Variants in PHLPP1 observed in about 807,000 individuals in gnomAD.
The protein encoded by PHLPP1 is PH domain and leucine rich repeat protein phosphatase 1.
A neutral mutation model predicts 117.2 loss-of-function variants in PHLPP1; 42 were observed. The observed-to-expected ratio is 0.36, with a 90% CI of 0.28 to 0.46. The LOEUF is 0.46. Ranked by LOEUF, PHLPP1 falls within the 20% of genes least tolerant of loss-of-function variation. The pLI is 1.00. For synonymous variants in PHLPP1, 1,042 were observed against 970.7 expected, an observed-to-expected ratio of 1.07 and a Z score of -1.37; for missense variants, 2,084 against 2,241.9, an observed-to-expected ratio of 0.93 and a Z score of 1.42.
In PHLPP1 at chr18:62,766,073, AAAAATAT is replaced by A. The variant is rs1431476738; in HGVS notation, c.1576+48816_1576+48822del. 1.1e-4 allele frequency among the ~76,000 whole-genome samples: 6 copies of A among 55,386 alleles called. 1 individual carries two copies. Among genetic ancestry groups the A allele is most frequent in the African/African-American group, 2.3e-4 (4 of 17,616 alleles). The allele number at this position is 55,386 out of a possible 152,430, so 36.3% of individuals were successfully genotyped here. ...TAGACTCCATCTCAAAAAAAAAAAA[AAAAATAT>A]ATATATATATATATATATATATAAA... On this transcript the variant is annotated intron_variant, in intron 1 of 16. Coordinates refer to ENST00000262719, the MANE Select transcript of PHLPP1 (RefSeq NM_194449.4).
chr18:62,869,051 A>C (rs1915835919), intron 4 of PHLPP1, among the ~76,000 whole-genome samples: 1 of 152,252 alleles, frequency 6.6e-6, no homozygotes, highest in Non-Finnish European at 1.5e-5. Context: ...TAACTAAATA[A>C]GAAATTAACT....
In PHLPP1 at chr18:62,920,040, C is replaced by A. The variant is rs762812403; in HGVS notation, c.2886C>A (p.Thr962=). ...GGCTGCCTGAAAGGCTAGAAAGAAC[C>A]TCGGTGGAGGTCTTGGATGTGCAAC... ...LARLPERLER[T]SVEVLDVQHN... is the part of the protein sequence containing the mutation. The change falls in exon 10 of 17, where the codon ACC becomes ACA. Residue 962 remains threonine, a synonymous_variant. Coordinates refer to ENST00000262719, the MANE Select transcript of PHLPP1 (RefSeq NM_194449.4). 1 of 1,613,104 alleles carries A rather than the reference C, an allele frequency of 6.2e-7. No individual in the cohort carries two copies. Among genetic ancestry groups the A allele is most frequent in the Admixed American group, 1.7e-5 (1 of 59,902 alleles).
intron 1 of PHLPP1, among the ~76,000 whole-genome samples, chr18:62,742,280 A>G (rs1911551684): frequency 6.6e-6 from 1 of 152,236 alleles, no homozygotes; most frequent in African/African-American, 2.4e-5. Context: ...CTTCCTATGT[A>G]CATGACTTTC....
intron 4 of PHLPP1, among the ~76,000 whole-genome samples, chr18:62,882,132 C>G (rs1403846559): frequency 1.3e-5 from 2 of 151,996 alleles, no homozygotes; most frequent in Non-Finnish European, 2.9e-5. Context: ...TGGATTGGGA[C>G]AAGAATATTA....
chr18:62,807,098 T>TAA (rs1440981522), intron 1 of PHLPP1, among the ~76,000 whole-genome samples: 3 of 152,132 alleles, frequency 2.0e-5, no homozygotes, highest in Non-Finnish European at 4.4e-5. Context: ...CTTTTGGCAT[T>TAA]ATTATTTCAA....
chr18:62,876,238 G>T (rs374562672), intron 4 of PHLPP1, among the ~76,000 whole-genome samples: 8 of 152,026 alleles, frequency 5.3e-5, no homozygotes, highest in East Asian at 1.9e-4. Flanking sequence ...AAAATCTATG[G>T]TTTATTTTAC....
intron 10 of PHLPP1, among the ~76,000 whole-genome samples, chr18:62,939,637 C>CT (rs1910072529): frequency 1.7e-5 from 2 of 114,420 alleles, no homozygotes; most frequent in African/African-American, 6.5e-5. Flanking sequence ...TCTCTAACTT[C>CT]CTTTTTTTTT....
At chr18:62,739,260 C>T (rs1312857725) in intron 1 of PHLPP1, among the ~76,000 whole-genome samples, 1 of 152,032 alleles carries the variant, frequency 6.6e-6, no homozygotes, top group African/African-American at 2.4e-5. Context: ...AAAGTAGTAG[C>T]GAGTTATATT....
intron 1 of PHLPP1, among the ~76,000 whole-genome samples, chr18:62,757,628 A>G (rs1313297978): frequency 6.6e-6 from 1 of 152,212 alleles, no homozygotes; most frequent in Non-Finnish European, 1.5e-5. Context: ...GACTCTGTCT[A>G]TTATAGCTTA....
In PHLPP1 at chr18:62,919,937, T is replaced by C. The variant is rs1271456105; in HGVS notation, c.2805-22T>C. 4.5e-6 allele frequency: 7 copies of C among 1,551,322 alleles called. 1 individual carries two copies. The highest frequency in any genetic ancestry group is 1.7e-4 in the Middle Eastern group (1 of 5,958). Reference sequence around the variant, plus strand: ...TTCTTTACTCTTTTTCATTTTTTGGTCTTTTGTCCCTTTTTATACAGCTTA... The same window carrying C: ...TTCTTTACTCTTTTTCATTTTTTGGCCTTTTGTCCCTTTTTATACAGCTTA... On this transcript the variant is annotated intron_variant, in intron 9 of 16. Transcript: ENST00000262719.
chr18:62,760,764 T>TG (rs1181054635), intron 1 of PHLPP1, among the ~76,000 whole-genome samples: 16 of 152,278 alleles, frequency 1.1e-4, no homozygotes, highest in African/African-American at 2.9e-4. Context: ...TTAAACAAGG[T>TG]GGGTTTTTTG....
intron 4 of PHLPP1, among the ~76,000 whole-genome samples, chr18:62,869,162 A>G (rs1188734158): frequency 6.6e-6 from 1 of 151,990 alleles, no homozygotes; most frequent in African/African-American, 2.4e-5. Flanking sequence ...CTTTCTTCCA[A>G]ATTACCTCCC....
At chr18:62,972,144 T>G (rs990913071) in intron 14 of PHLPP1, among the ~76,000 whole-genome samples, 2 of 152,264 alleles carry the variant, frequency 1.3e-5, no homozygotes, top group Non-Finnish European at 2.9e-5. Context: ...TGTTTTAGTT[T>G]TCTATTTTGG....
chr18:62,819,908 CA>C (rs1410060665), intron 1 of PHLPP1, among the ~76,000 whole-genome samples: 2 of 152,146 alleles, frequency 1.3e-5, no homozygotes, highest in Non-Finnish European at 2.9e-5. Context: ...CTTGGCCTCC[CA>C]AGTGCTGGGA....
intron 3 of PHLPP1, among the ~76,000 whole-genome samples, chr18:62,856,826 T>C (rs1231063170): frequency 6.6e-6 from 1 of 152,062 alleles, no homozygotes; most frequent in Non-Finnish European, 1.5e-5. Context: ...ACTTCTCCGG[T>C]TTTTCCTTTC....
At chr18:62,766,135 A>G (rs1287680783) in intron 1 of PHLPP1, among the ~76,000 whole-genome samples, 2 of 123,204 alleles carry the variant, frequency 1.6e-5, no homozygotes, top group African/African-American at 5.9e-5. Flanking sequence ...GAAAAGGAGA[A>G]TTGGAGATAA....
chr18:62,834,437 A>T (rs1388277576), intron 2 of PHLPP1, among the ~76,000 whole-genome samples: 1 of 152,194 alleles, frequency 6.6e-6, no homozygotes, highest in African/African-American at 2.4e-5. Flanking sequence ...GCAAAGTATT[A>T]GAGAGTTCTG....
chr18:62,936,974 C>T (rs1909988377), intron 10 of PHLPP1, among the ~76,000 whole-genome samples: 1 of 152,168 alleles, frequency 6.6e-6, no homozygotes, highest in Non-Finnish European at 1.5e-5. Flanking sequence ...AAGAGTTTTG[C>T]TGGGGTTAGA....
intron 14 of PHLPP1, among the ~76,000 whole-genome samples, chr18:62,970,075 T>G (rs959784753): frequency 1.4e-4 from 21 of 152,230 alleles, no homozygotes; most frequent in African/African-American, 4.8e-4. Context: ...TTGTTATGAT[T>G]TGATTTTATC....
Sources: gnomAD v4.1 joint callset for allele counts (sites outside exome capture counted in the v4.1 genomes callset) on GRCh38, gnomAD v4.1.1 for gene constraint, MANE v1.5 for transcripts, NCBI Gene and HGNC (gene_info 2026-07-23, HGNC 2026-07-21) for gene names.